The following GALNTL6 variants were observed in gnomAD, a reference collection of about 807,000 sequenced individuals.
GALNTL6 encodes the protein polypeptide N-acetylgalactosaminyltransferase-like 6.
In GALNTL6, 46 loss-of-function variants were observed where a neutral mutation model predicts 73.7. The observed-to-expected ratio is 0.62, with a 90% CI of 0.49 to 0.80. The LOEUF (loss-of-function observed/expected upper bound fraction) is 0.80, where lower values mean the gene tolerates loss of function less well. GALNTL6 is among the 30% of genes least tolerant of loss of function. The probability of loss-of-function intolerance (pLI) is 0.00; values close to 1 mark genes in which losing one functional copy is unlikely to be tolerated. For missense variants in GALNTL6, 604 were observed against 755.0 expected (o/e 0.80, Z 2.34); for synonymous variants, 259 against 263.7 (o/e 0.98, Z 0.17).
intron 5 of GALNTL6, among the ~76,000 whole-genome samples, chr4:172,435,576 A>G (rs2111390956): frequency 6.6e-6 from 1 of 152,222 alleles, no homozygotes; most frequent in East Asian, 1.9e-4. Flanking sequence ...ATTCTATCTT[A>G]ATGCTGATGA....
At chr4:171,943,378 A>G (rs1292564417) in intron 2 of GALNTL6, among the ~76,000 whole-genome samples, 1 of 152,142 alleles carries the variant, frequency 6.6e-6, no homozygotes, top group Admixed American at 6.5e-5. Context: ...GCATTTATTG[A>G]CTTTTAGGAT....
chr4:172,599,810 A>G (rs1442238933), intron 5 of GALNTL6, among the ~76,000 whole-genome samples: 1 of 152,108 alleles, frequency 6.6e-6, no homozygotes, highest in East Asian at 1.9e-4. Flanking sequence ...TTTTGTACCA[A>G]CGAGTCATAG....
chr4:172,222,324 T>C (rs1239727520), intron 2 of GALNTL6, among the ~76,000 whole-genome samples: 1 of 113,264 alleles, frequency 8.8e-6, no homozygotes, highest in Admixed American at 1.0e-4. Flanking sequence ...AATTGTGTTC[T>C]TTATTCACAT....
At chr4:172,024,190 G>A (rs17057899) in intron 2 of GALNTL6, among the ~76,000 whole-genome samples, 1 of 151,646 alleles carries the variant, frequency 6.6e-6, no homozygotes, top group Non-Finnish European at 1.5e-5. Context: ...ATTGAACTTT[G>A]TTGTAGTTTA....
chr4:172,176,337 C>CAAAAAAAAAAAAAAAAAAAA (rs562300659), intron 2 of GALNTL6, among the ~76,000 whole-genome samples: 355 of 31,348 alleles, frequency 0.011, 128 homozygotes, highest in African/African-American at 0.012. Flanking sequence ...GACTCCGTCT[C>CAAAAAAAAAAAAAAAAAAAA]AAAAAAAAAA....
At chr4:172,920,129 A>G (rs1194020756) in intron 8 of GALNTL6, among the ~76,000 whole-genome samples, 1 of 152,202 alleles carries the variant, frequency 6.6e-6, no homozygotes, top group African/African-American at 2.4e-5. Flanking sequence ...TCAAGAAATT[A>G]GGGAATTTTC....
chr4:171,955,387 T>C (rs1298036525), intron 2 of GALNTL6, among the ~76,000 whole-genome samples: 1 of 151,656 alleles, frequency 6.6e-6, no homozygotes, highest in Non-Finnish European at 1.5e-5. Flanking sequence ...TCTATCTATA[T>C]ATATATATGT....
At chr4:172,307,963 T>C (rs986029333) in intron 3 of GALNTL6, among the ~76,000 whole-genome samples, 5 of 148,358 alleles carry the variant, frequency 3.4e-5, no homozygotes, top group Non-Finnish European at 7.5e-5. Flanking sequence ...ATTTTCACAA[T>C]ATTGATTCTA....
At chr4:172,942,053 G>A (rs994858590) in intron 9 of GALNTL6, among the ~76,000 whole-genome samples, 3 of 152,192 alleles carry the variant, frequency 2.0e-5, no homozygotes, top group African/African-American at 4.8e-5. Flanking sequence ...AGTGCCAGTT[G>A]AGATACAGAA....
chr4:171,935,495 G>T (rs764348840), intron 2 of GALNTL6, among the ~76,000 whole-genome samples: 5 of 152,186 alleles, frequency 3.3e-5, no homozygotes, highest in African/African-American at 1.2e-4. Flanking sequence ...TTGAGATGGG[G>T]TCTCAGTCTG....
At chr4:172,329,606 G>A (rs1337237887) in intron 4 of GALNTL6, among the ~76,000 whole-genome samples, 3 of 152,176 alleles carry the variant, frequency 2.0e-5, no homozygotes. Context: ...ACCCAGTGAG[G>A]AGGAACAAGA....
intron 5 of GALNTL6, among the ~76,000 whole-genome samples, chr4:172,375,935 A>G (rs1487966523): frequency 6.6e-6 from 1 of 152,194 alleles, no homozygotes; most frequent in Non-Finnish European, 1.5e-5. Flanking sequence ...GAGGGAGGGA[A>G]GGGATCTCCA....
At chr4:171,967,153 A>G (rs1739408753) in intron 2 of GALNTL6, among the ~76,000 whole-genome samples, 1 of 152,214 alleles carries the variant, frequency 6.6e-6, no homozygotes. Flanking sequence ...GGAAAGTTTT[A>G]CATAACTGAT....
At chr4:172,738,955 A>T (rs1022036246) in intron 5 of GALNTL6, among the ~76,000 whole-genome samples, 3 of 152,168 alleles carry the variant, frequency 2.0e-5, no homozygotes, top group African/African-American at 7.2e-5. Context: ...GGTTGTAGAG[A>T]CCAAAGTTTT....
intron 10 of GALNTL6, among the ~76,000 whole-genome samples, chr4:173,008,015 T>C (rs967373650): frequency 1.3e-5 from 2 of 152,230 alleles, no homozygotes; most frequent in African/African-American, 4.8e-5. Context: ...AGAATCTTTA[T>C]CCATTACAGT....
chr4:171,814,074 CTT>C (rs767982889), intron 1 of GALNTL6, 84 bp downstream of exon 1: 1 of 153,928 alleles, frequency 6.5e-6, no homozygotes, highest in South Asian at 2.0e-4. Context: ...AAAGCGGACA[CTT>C]TTCTTCCTGA....
intron 9 of GALNTL6, 108 bp downstream of exon 9, chr4:172,931,376 G>A (rs1003684106): frequency 1.4e-6 from 1 of 728,500 alleles, no homozygotes; most frequent in Admixed American, 2.0e-5. Context: ...AGTGTACAGA[G>A]AGCTCCTGTG....
chr4:171,989,351 A>G (rs530722069), intron 2 of GALNTL6, among the ~76,000 whole-genome samples: 131 of 152,278 alleles, frequency 8.6e-4, no homozygotes, highest in African/African-American at 2.6e-3. Flanking sequence ...TTGGGCCAGC[A>G]TTCCAGGGGC....
chr4:172,193,271 C>T (rs1031545073), intron 2 of GALNTL6, among the ~76,000 whole-genome samples: 1 of 152,180 alleles, frequency 6.6e-6, no homozygotes, highest in African/African-American at 2.4e-5. Flanking sequence ...AGCATTCCTG[C>T]CAGCATCAGG....
Sources: gnomAD v4.1 joint callset for allele counts (sites outside exome capture counted in the v4.1 genomes callset) on GRCh38, gnomAD v4.1.1 for gene constraint, MANE v1.5 for transcripts, NCBI Gene and HGNC (gene_info 2026-07-23, HGNC 2026-07-21) for gene names.